Variants in HTR1F observed in about 807,000 individuals in gnomAD.
HTR1F encodes the protein 5-hydroxytryptamine (serotonin) receptor 1F, G protein-coupled.
Under a neutral mutation model 24.0 loss-of-function variants are expected in HTR1F, and 17 were observed. The observed-to-expected ratio is 0.71, with a 90% CI of 0.48 to 1.06. HTR1F has a LOEUF of 1.06. Ranked by LOEUF, HTR1F falls within the 50% of genes least tolerant of loss-of-function variation. The pLI is 0.00. For synonymous variants in HTR1F, 186 were observed against 156.8 expected (o/e 1.19, Z -1.39); for missense variants, 391 against 427.8 (o/e 0.91, Z 0.76).
At chr3:87,886,935 A>T (rs530094495) in intron 2 of HTR1F, among the ~76,000 whole-genome samples, 1 of 152,302 alleles carries the variant, frequency 6.6e-6, no homozygotes, top group East Asian at 1.9e-4. Context: ...CATCCCCATC[A>T]AGCTACCAAT....
In HTR1F at chr3:87,967,734, A is replaced by G. The variant is rs539814142; in HGVS notation, c.-42-22974A>G. Reference sequence around the variant, plus strand: ...GAAGACATGCCTTTCACCTTCTGCCATGATTGAGTGGCCTCCCAAGCCATG... The same window carrying G: ...GAAGACATGCCTTTCACCTTCTGCCGTGATTGAGTGGCCTCCCAAGCCATG... On this transcript the variant is annotated intron_variant, in intron 2 of 2. Coordinates refer to ENST00000319595, the MANE Select transcript of HTR1F (RefSeq NM_001322209.2). Among the ~76,000 whole-genome samples the G allele has an allele frequency of 2.6e-5, 4 of 152,326 alleles. No homozygotes were observed. In the South Asian group the frequency reaches 6.2e-4, roughly 24 times the overall value.
intron 2 of HTR1F, among the ~76,000 whole-genome samples, chr3:87,932,954 A>G (rs1324469610): frequency 6.7e-6 from 1 of 150,018 alleles, no homozygotes; most frequent in Non-Finnish European, 1.5e-5. Context: ...AAAATCCTCA[A>G]TAAAATACTG....
At chr3:87,964,532 AC>A (rs1341671626) in intron 2 of HTR1F, among the ~76,000 whole-genome samples, 1 of 151,910 alleles carries the variant, frequency 6.6e-6, no homozygotes, top group Non-Finnish European at 1.5e-5. Flanking sequence ...ACCAATCCAA[AC>A]CCTCTTCTCA....
intron 2 of HTR1F, among the ~76,000 whole-genome samples, chr3:87,878,904 A>G (rs1705727124): frequency 6.6e-6 from 1 of 152,188 alleles, no homozygotes; most frequent in Non-Finnish European, 1.5e-5. Context: ...GTTCTGAAAC[A>G]CAGTAGGAAG....
At chr3:87,899,015 A>T (rs565107745) in intron 2 of HTR1F, among the ~76,000 whole-genome samples, 41 of 152,298 alleles carry the variant, frequency 2.7e-4, no homozygotes, top group Non-Finnish European at 1.5e-4. Context: ...GAGGAGCAAA[A>T]CACAGAATAT....
rs1187348204 is a variant in HTR1F, at chr3:87,822,013, G to T, written c.-154G>T. Among the ~76,000 whole-genome samples the T allele has an allele frequency of 6.6e-6, 1 of 152,152 alleles. No homozygotes were observed. Among genetic ancestry groups the T allele is most frequent in the Non-Finnish European group, 1.5e-5 (1 of 68,030 alleles). On this transcript the variant is annotated 5_prime_UTR_variant, in exon 2 of 3. Coordinates refer to ENST00000319595, the MANE Select transcript of HTR1F (RefSeq NM_001322209.2). ...TTATTCTTTGCTTTTTTAAGGAGGA[G>T]TTTGGGAGAGAATGAATTGGACTGT... is the stretch of plus-strand genomic sequence containing the variant.
At chr3:87,936,096 C>T (rs1704408581) in intron 2 of HTR1F, among the ~76,000 whole-genome samples, 1 of 152,128 alleles carries the variant, frequency 6.6e-6, no homozygotes, top group Admixed American at 6.5e-5. Context: ...GTGATCCTCC[C>T]ACCTTGGCCT....
intron 2 of HTR1F, among the ~76,000 whole-genome samples, chr3:87,918,637 C>T (rs1246639720): frequency 6.6e-6 from 1 of 151,504 alleles, no homozygotes; most frequent in African/African-American, 2.4e-5. Context: ...CTGCAAAAAA[C>T]ATAAAATACT....
intron 2 of HTR1F, among the ~76,000 whole-genome samples, chr3:87,847,861 C>T (rs1033542407): frequency 3.3e-5 from 5 of 151,820 alleles, no homozygotes; most frequent in Non-Finnish European, 7.4e-5. Flanking sequence ...CATATTGCTG[C>T]ACATGACATG....
chr3:87,927,194 G>C (rs1414240249), intron 2 of HTR1F, among the ~76,000 whole-genome samples: 3 of 151,932 alleles, frequency 2.0e-5, no homozygotes, highest in South Asian at 2.1e-4. Context: ...GTCTGCAAAA[G>C]ATGTAGTTAC....
intron 2 of HTR1F, among the ~76,000 whole-genome samples, chr3:87,968,676 G>A (rs1304789100): frequency 6.6e-6 from 1 of 152,160 alleles, no homozygotes; most frequent in Non-Finnish European, 1.5e-5. Flanking sequence ...CAAAGCGGTA[G>A]GAAAGAAAAA....
chr3:87,899,273 T>C (rs1706269774), intron 2 of HTR1F, among the ~76,000 whole-genome samples: 1 of 152,226 alleles, frequency 6.6e-6, no homozygotes, highest in Admixed American at 6.5e-5. Flanking sequence ...TCAGCCTTGT[T>C]TATACACTGT....
chr3:87,883,920 T>G (rs1003301239), intron 2 of HTR1F, among the ~76,000 whole-genome samples: 4 of 152,120 alleles, frequency 2.6e-5, no homozygotes, highest in Non-Finnish European at 5.9e-5. Flanking sequence ...AAAACACTCT[T>G]CAGGATATTA....
At chr3:87,796,122 T>C (rs1388125928) in intron 1 of HTR1F, among the ~76,000 whole-genome samples, 4 of 152,142 alleles carry the variant, frequency 2.6e-5, no homozygotes, top group African/African-American at 9.7e-5. Flanking sequence ...AGGCAGTCAC[T>C]AGTGTTTGCC....
At chr3:87,949,264 A>G (rs1704782042) in intron 2 of HTR1F, among the ~76,000 whole-genome samples, 1 of 152,236 alleles carries the variant, frequency 6.6e-6, no homozygotes, top group Non-Finnish European at 1.5e-5. Flanking sequence ...TTTCATTTTA[A>G]CTACTTAGGC....
chr3:87,869,436 C>CATAGATAGATAGATAGATGATAGATAG (rs1705504711), intron 2 of HTR1F, among the ~76,000 whole-genome samples: 1 of 117,050 alleles, frequency 8.5e-6, no homozygotes, highest in East Asian at 2.6e-4. Flanking sequence ...TAGATAGATA[C>CATAGATAGATAGATAGATGATAGATAG]ATAGATAGAT....
At chr3:87,952,005 A>T (rs1704844837) in intron 2 of HTR1F, among the ~76,000 whole-genome samples, 1 of 151,928 alleles carries the variant, frequency 6.6e-6, no homozygotes, top group African/African-American at 2.4e-5. Flanking sequence ...TTGATAGCTT[A>T]TTTCCTCTTA....
chr3:87,956,649 A>T (rs903321474), intron 2 of HTR1F, among the ~76,000 whole-genome samples: 3 of 151,318 alleles, frequency 2.0e-5, no homozygotes, highest in African/African-American at 7.3e-5. Context: ...GGTCTTCTTT[A>T]AATTTCTCTC....
rs72915697 is a variant in HTR1F at position 87,963,640 on chromosome 3, T to C, written c.-42-27068T>C. On this transcript the variant is annotated intron_variant, in intron 2 of 2. Transcript: ENST00000319595. Reference sequence around the variant, plus strand: ...CAAATGTTTTCTACAATATTAGGTCTTTGCAGGAAATCCATGATTTTATAG... The same window carrying C: ...CAAATGTTTTCTACAATATTAGGTCCTTGCAGGAAATCCATGATTTTATAG... Among the ~76,000 whole-genome samples, 743 of 152,260 alleles carry C rather than the reference T, an allele frequency of 4.9e-3. 2 individuals are homozygous for C. Among genetic ancestry groups the C allele is most frequent in the African/African-American group, 0.017 (719 of 41,558 alleles).
Sources: gnomAD v4.1 joint callset for allele counts (sites outside exome capture counted in the v4.1 genomes callset) on GRCh38, gnomAD v4.1.1 for gene constraint, MANE v1.5 for transcripts, NCBI Gene and HGNC (gene_info 2026-07-23, HGNC 2026-07-21) for gene names.